Variants in DNASE1 observed in about 807,000 individuals in gnomAD.
DNASE1 encodes the protein deoxyribonuclease 1, also known as deoxyribonuclease-1.
A neutral mutation model predicts 33.9 loss-of-function variants in DNASE1; 40 were observed. The observed-to-expected ratio is 1.18, with a 90% CI of 0.92 to 1.54. The LOEUF is 1.54. Ranked by LOEUF, DNASE1 falls within the 40% of genes most tolerant of loss-of-function variation. The pLI is 0.00. For synonymous variants in DNASE1, 216 were observed against 160.0 expected, an observed-to-expected ratio of 1.35 and a Z score of -2.64; for missense variants, 518 against 372.6, an observed-to-expected ratio of 1.39 and a Z score of -3.21.
chr16:3,661,766 G>C, downstream of DNASE1: 2 of 452,052 alleles, frequency 4.4e-6, no homozygotes, highest in Non-Finnish European at 7.5e-6. Flanking sequence ...CACAGGCTGG[G>C]ATGTGGCTAA....
chr16:3,664,833 C>A (rs2050791568), exon 10 of DNASE1: 1 of 211,254 alleles, frequency 4.7e-6, no homozygotes, highest in South Asian at 7.2e-5. Flanking sequence ...CGGGTGAAGT[C>A]CACGGTTCCC....
chr16:3,620,423 G>A (rs143759630), intron 1 of DNASE1, among the ~76,000 whole-genome samples: 61 of 151,564 alleles, frequency 4.0e-4, no homozygotes, highest in Middle Eastern at 3.4e-3. Flanking sequence ...GGAGTGCAGC[G>A]TGGCCTGATC....
upstream of DNASE1, chr16:3,653,826 A>AAAAAAAAAAAAAAAAAAC (rs2042428667): frequency 4.1e-5 from 6 of 145,004 alleles, no homozygotes; most frequent in African/African-American, 1.6e-4. Flanking sequence ...AAAAAAAAAA[A>AAAAAAAAAAAAAAAAAAC]AAAAAAAAAA....
upstream of DNASE1, among the ~76,000 whole-genome samples, chr16:3,641,546 C>G (rs1410581322): frequency 1.3e-5 from 2 of 152,216 alleles, no homozygotes; most frequent in Non-Finnish European, 2.9e-5. Context: ...GAGGCCATCC[C>G]TGTGGGAAGG....
At chr16:3,655,352 C>G (rs1278648725) in intron 1 of DNASE1, 21 bp from the exon 2 acceptor site, 4 of 1,613,724 alleles carry the variant, frequency 2.5e-6, no homozygotes, top group African/African-American at 2.7e-5. Flanking sequence ...TGTTATGTCT[C>G]TGTGCCCTGT....
At chr16:3,612,610 A>G (rs1300735840) in intron 1 of DNASE1, among the ~76,000 whole-genome samples, 3 of 103,362 alleles carry the variant, frequency 2.9e-5, no homozygotes, top group South Asian at 2.9e-4. Context: ...GAGTCTCACT[A>G]TGTTGCCCAG....
At position 3,624,854 on chromosome 16, in the gene DNASE1, AATTTTTTATTTT is replaced by A. The variant is rs538234908; in HGVS notation, c.-1359+12861_-1359+12872del. ...TAGGTTTCTTCCAGCACACCTGGCT[AATTTTTTATTTT>A]ATTTTTTATTTTTAGTAGAGATAGG... On this transcript the variant is annotated intron_variant and NMD_transcript_variant, in intron 1 of 11. Transcript: ENST00000570769. 4.1e-4 allele frequency among the ~76,000 whole-genome samples: 62 copies of A among 152,162 alleles called. 1 individual carries two copies. The South Asian group carries it at 0.012, about 30-fold the overall frequency.
upstream of DNASE1, among the ~76,000 whole-genome samples, chr16:3,638,369 G>A (rs60528626): frequency 3.2e-3 from 487 of 151,998 alleles, 8 homozygotes; most frequent in East Asian, 0.055. Flanking sequence ...GCGGAGTCTC[G>A]CTCCATTGCC....
At chr16:3,664,334 G>A in exon 10 of DNASE1, 1 of 1,612,740 alleles carries the variant, frequency 6.2e-7, no homozygotes, top group East Asian at 2.2e-5. Context: ...GGTGACGGTT[G>A]GGGGCGCACA....
chr16:3,647,405 C>G (rs1457079602), intron 1 of DNASE1, among the ~76,000 whole-genome samples: 2 of 151,874 alleles, frequency 1.3e-5, no homozygotes, highest in Admixed American at 1.3e-4. Context: ...TCCTGAGTAG[C>G]TGGGACTACA....
rs146460009 is a variant in DNASE1, at chr16:3,622,114, A to G, written c.-1359+10108A>G. Among the ~76,000 whole-genome samples the G allele has an allele frequency of 3.7e-3, 566 of 151,190 alleles. 2 individuals carry two copies. Among genetic ancestry groups the G allele is most frequent in the African/African-American group, 0.013 (527 of 41,208 alleles). On this transcript the variant is annotated intron_variant and NMD_transcript_variant, in intron 1 of 11. Transcript: ENST00000570769. ...GCACCCCTGTAATTCCAGCTACTCC[A>G]GAGACTGAGGCAGGAGAATCGCTTG... is the stretch of plus-strand genomic sequence containing the variant.
intron 3 of DNASE1, 21 bp from the exon 4 acceptor site, chr16:3,656,081 C>T (rs2042590782): frequency 6.2e-7 from 1 of 1,613,986 alleles, no homozygotes; most frequent in East Asian, 2.2e-5. Flanking sequence ...GCCACTGGGA[C>T]CTTTTGTTTC....
At chr16:3,649,052 T>C (rs142621938) in intron 1 of DNASE1, among the ~76,000 whole-genome samples, 18 of 152,334 alleles carry the variant, frequency 1.2e-4, no homozygotes, top group Non-Finnish European at 2.1e-4. Context: ...TTGTATTTGC[T>C]TTAAGTTGTC....
intron 1 of DNASE1, among the ~76,000 whole-genome samples, chr16:3,648,687 A>G (rs548722848): frequency 6.6e-6 from 1 of 152,348 alleles, no homozygotes; most frequent in South Asian, 2.1e-4. Flanking sequence ...AAGGACCAAT[A>G]AGAGCCATTA....
At chr16:3,662,283 C>T (rs1030485907), downstream of DNASE1, 9 of 926,978 alleles carry the variant, frequency 9.7e-6, no homozygotes, top group East Asian at 2.7e-5. Flanking sequence ...CTCCCCATTA[C>T]CCACTAACTT....
At chr16:3,622,557 A>G (rs943165067) in intron 1 of DNASE1, among the ~76,000 whole-genome samples, 4 of 152,172 alleles carry the variant, frequency 2.6e-5, no homozygotes, top group African/African-American at 9.7e-5. Context: ...TATTGTGGAA[A>G]TGGATATAGT....
chr16:3,662,159 T>G (rs531597549), downstream of DNASE1: 2 of 1,595,206 alleles, frequency 1.3e-6, no homozygotes, highest in Admixed American at 3.4e-5. Context: ...GGGTTGAGGG[T>G]GATAGAGGTT....
At chr16:3,621,504 G>A (rs1410013168) in intron 1 of DNASE1, among the ~76,000 whole-genome samples, 3 of 152,072 alleles carry the variant, frequency 2.0e-5, no homozygotes, top group Non-Finnish European at 4.4e-5. Context: ...CTCATCAGAG[G>A]CTTCTTGAAA....
downstream of DNASE1, chr16:3,662,226 A>G (rs2043122108): frequency 5.4e-6 from 8 of 1,479,218 alleles, no homozygotes; most frequent in Non-Finnish European, 7.3e-6. Flanking sequence ...CCAGACCACG[A>G]GGTAGCAGGC....
Sources: allele counts gnomAD v4.1 joint callset (sites outside exome capture counted in the v4.1 genomes callset), GRCh38; gene constraint gnomAD v4.1.1; transcripts MANE v1.5; gene names NCBI Gene and HGNC (gene_info 2026-07-23, HGNC 2026-07-21).